CASZ1: variants seen among roughly 807,000 people sequenced by gnomAD.
CASZ1 encodes the protein castor zinc finger 1, also known as zinc finger protein castor homolog 1.
A neutral mutation model predicts 135.2 loss-of-function variants in CASZ1; 28 were observed. The observed-to-expected ratio is 0.21, with a 90% CI of 0.15 to 0.28. CASZ1 has a LOEUF of 0.28. CASZ1 is among the 10% of genes least tolerant of loss of function. The pLI is 1.00. For missense variants in CASZ1, 2,161 were observed against 2,453.3 expected (o/e 0.88, Z 2.52); for synonymous variants, 1,068 against 1,073.4 (o/e 0.99, Z 0.10).
chr1:10,793,882 G>A (rs932541446), intron 1 of CASZ1, among the ~76,000 whole-genome samples: 13 of 152,166 alleles, frequency 8.5e-5, no homozygotes, highest in African/African-American at 3.1e-4. Flanking sequence ...AAGTGGGAAA[G>A]CGGCTGGGGG....
chr1:10,683,510 C>G (rs528577649), intron 4 of CASZ1, among the ~76,000 whole-genome samples: 2 of 152,310 alleles, frequency 1.3e-5, no homozygotes, highest in Non-Finnish European at 2.9e-5. Context: ...TCCCAGTGAA[C>G]CGGGGGGCAA....
intron 4 of CASZ1, among the ~76,000 whole-genome samples, chr1:10,673,473 ACT>A (rs1010719858): frequency 2.0e-5 from 3 of 151,290 alleles, no homozygotes; most frequent in African/African-American, 7.3e-5. Flanking sequence ...ACGCACACAC[ACT>A]CTCTCGCACT....
At chr1:10,650,368 A>T (rs905224930) in intron 13 of CASZ1, 1 of 159,384 alleles carries the variant, frequency 6.3e-6, no homozygotes, top group African/African-American at 2.4e-5. Context: ...ACAAACAAAA[A>T]ATATATATAA....
chr1:10,779,212 A>C (rs1640716442), intron 1 of CASZ1, among the ~76,000 whole-genome samples: 1 of 139,460 alleles, frequency 7.2e-6, no homozygotes, highest in South Asian at 2.4e-4. Context: ...CCCCACCTTG[A>C]ATAAATAAAG....
At chr1:10,723,155 C>T (rs991698657) in intron 2 of CASZ1, among the ~76,000 whole-genome samples, 2 of 152,182 alleles carry the variant, frequency 1.3e-5, no homozygotes, top group Non-Finnish European at 2.9e-5. Context: ...GGCTGTAAAC[C>T]GGACGTGGGA....
intron 2 of CASZ1, among the ~76,000 whole-genome samples, chr1:10,712,465 A>T (rs918767179): frequency 1.3e-5 from 2 of 152,186 alleles, no homozygotes; most frequent in African/African-American, 2.4e-5. Context: ...TCGCTTTTTT[A>T]AAAAAGCAAC....
intron 1 of CASZ1, among the ~76,000 whole-genome samples, chr1:10,766,345 C>G (rs1027034868): frequency 2.4e-4 from 36 of 152,318 alleles, no homozygotes; most frequent in African/African-American, 8.4e-4. Flanking sequence ...CTGTGTGGCT[C>G]TAGGCTAACG....
In CASZ1 at chr1:10,711,726, C is replaced by T. The variant is rs284248; in HGVS notation, c.-76-6182G>A. On this transcript the variant is annotated intron_variant, in intron 2 of 20. Transcript: ENST00000377022. The surrounding 1 kb of genome is among the most constrained non-coding windows in gnomAD (Gnocchi z 4.4). ...ACATACAACATGGAGTCTGTCCATA[C>T]TATTGAATATTATTCAGCTATAAAA... Among the ~76,000 whole-genome samples, 19,441 of 152,116 alleles carry T rather than the reference C, an allele frequency of 0.13. 1,637 individuals are homozygous for T. The highest frequency in any genetic ancestry group is 0.22 in the African/African-American group (9,287 of 41,472).
intron 7 of CASZ1, 108 bp from the exon 8 acceptor site, chr1:10,656,844 A>T: frequency 1.4e-6 from 1 of 708,740 alleles, no homozygotes; most frequent in Non-Finnish European, 2.5e-6. Flanking sequence ...TGGGATGCAG[A>T]GGGGAGGTGA....
intron 1 of CASZ1, among the ~76,000 whole-genome samples, chr1:10,789,169 C>G (rs1456792688): frequency 6.6e-6 from 1 of 151,738 alleles, no homozygotes; most frequent in Non-Finnish European, 1.5e-5. Context: ...CCACACCCCC[C>G]ACCCAAGACA....
intron 2 of CASZ1, among the ~76,000 whole-genome samples, chr1:10,754,120 C>T (rs1640201294): frequency 6.6e-6 from 1 of 152,190 alleles, no homozygotes. Flanking sequence ...CACTTCCTTT[C>T]TGTCTTCACC....
intron 2 of CASZ1, among the ~76,000 whole-genome samples, chr1:10,723,445 AGAG>A (rs1393289022): frequency 6.6e-6 from 1 of 152,192 alleles, no homozygotes; most frequent in Non-Finnish European, 1.5e-5. Flanking sequence ...CCCATAAAAC[AGAG>A]GAGCCACTGG....
In CASZ1 at chr1:10,777,151, C is replaced by T. The variant is rs116682100; in HGVS notation, c.-233-16294G>A. On this transcript the variant is annotated intron_variant, in intron 1 of 20. Coordinates refer to ENST00000377022, the MANE Select transcript of CASZ1 (RefSeq NM_001079843.3). The surrounding 1 kb of genome is among the most constrained non-coding windows in gnomAD (Gnocchi z 4.4). ...CAGTTTCCCCACCTGTAAACCAGGA[C>T]AATAACCTGTGAGCTGCCTTCTTCA... Among the ~76,000 whole-genome samples the T allele has an allele frequency of 0.018, 2,813 of 152,310 alleles. 28 individuals carry two copies. Among genetic ancestry groups the T allele is most frequent in the Non-Finnish European group, 0.03 (2,036 of 68,028 alleles).
Position 10,637,913 on chromosome 1 carries a change from C to T in CASZ1, c.*1029G>A, listed in dbSNP as rs1435827439. 2 of 152,226 alleles carry T rather than the reference C, an allele frequency of 1.3e-5. No individual in the cohort carries two copies. Among genetic ancestry groups the T allele is most frequent in the Non-Finnish European group, 2.9e-5 (2 of 68,004 alleles). The allele number at this position is 152,226 out of a possible 1,614,324, so 9.4% of individuals were successfully genotyped here. A position where few individuals can be genotyped will look rare whatever the true frequency, so the allele number is the denominator to read the frequency against. ...CAAACTTGGATCAACAGTAATAGTC[C>T]TTTTTTCTTGTCTCTACAAAATTCA... On this transcript the variant is annotated 3_prime_UTR_variant, in exon 21 of 21. Coordinates refer to ENST00000377022, the MANE Select transcript of CASZ1 (RefSeq NM_001079843.3).
At position 10,650,736 on chromosome 1, in the gene CASZ1, C is replaced by G; in HGVS notation, c.2836G>C (p.Ala946Pro). The change falls in exon 13 of 21, where the codon GCA (alanine) becomes CCA (proline). Residue 946 changes from alanine (A) to proline (P), a missense_variant. By Grantham distance (27) the Ala-to-Pro change is conservative. This residue lies in a region of CASZ1 where 406 missense variants were observed against 387.6 expected (regional missense o/e 1.05). Transcript: ENST00000377022. The part of the protein sequence containing the change: ...KEPSNESNGH[A>P]VPANSSLLSS... ...AAAAGAGATGAATTTGCCGGGACTG[C>G]GTGGCCATTTGATTCGTTGCTAGAA... 6.2e-7 allele frequency: 1 copy of G among 1,614,116 alleles called. No individual in the cohort carries two copies. The highest frequency in any genetic ancestry group is 8.5e-7 in the Non-Finnish European group (1 of 1,179,928).
In CASZ1 at chr1:10,759,188, G is replaced by C. The variant is rs981857009; in HGVS notation, c.-77+1513C>G. Among the ~76,000 whole-genome samples, 4 of 152,194 alleles carry C rather than the reference G, an allele frequency of 2.6e-5. No homozygotes were observed. Among genetic ancestry groups the C allele is most frequent in the African/African-American group, 9.7e-5 (4 of 41,440 alleles). Reference sequence around the variant, plus strand: ...AGCCTCTTCATGGGCAGGGCACAGGGCAGGGCTGGGCAAGACCACCCTGAG... The same window carrying C: ...AGCCTCTTCATGGGCAGGGCACAGGCCAGGGCTGGGCAAGACCACCCTGAG... On this transcript the variant is annotated intron_variant, in intron 2 of 20. Coordinates refer to ENST00000377022, the MANE Select transcript of CASZ1 (RefSeq NM_001079843.3). The surrounding 1 kb of genome is among the most constrained non-coding windows in gnomAD (Gnocchi z 4.2).
At chr1:10,729,381 C>G (rs1459036580) in intron 2 of CASZ1, among the ~76,000 whole-genome samples, 3 of 152,198 alleles carry the variant, frequency 2.0e-5, no homozygotes, top group African/African-American at 7.2e-5. Flanking sequence ...TGGCTCCTCT[C>G]CCTCTCCCCG....
intron 1 of CASZ1, among the ~76,000 whole-genome samples, chr1:10,787,163 G>A (rs1375469063): frequency 6.6e-6 from 1 of 152,206 alleles, no homozygotes; most frequent in African/African-American, 2.4e-5. Flanking sequence ...GACAAGAGAG[G>A]AAACTGAGGC....
At chr1:10,732,215 C>T (rs529429145) in intron 2 of CASZ1, among the ~76,000 whole-genome samples, 1 of 150,916 alleles carries the variant, frequency 6.6e-6, no homozygotes, top group Admixed American at 6.6e-5. Context: ...GTCCTAGCTA[C>T]TTGGGAGGCT....
Sources: allele counts gnomAD v4.1 joint callset (sites outside exome capture counted in the v4.1 genomes callset), GRCh38; gene constraint gnomAD v4.1.1; regional missense constraint gnomAD v4.1.1; non-coding constraint Gnocchi (gnomAD v3.1); transcripts MANE v1.5; gene names NCBI Gene and HGNC (gene_info 2026-07-23, HGNC 2026-07-21).